STAU2: variants seen among roughly 807,000 people sequenced by gnomAD.
The protein encoded by STAU2 is staufen double-stranded RNA binding protein 2.
A neutral mutation model predicts 65.9 loss-of-function variants in STAU2; 20 were observed. That is an observed-to-expected ratio of 0.30 (90% CI 0.21 to 0.44). The LOEUF is 0.44. Ranked by LOEUF, STAU2 falls within the 20% of genes least tolerant of loss-of-function variation. The pLI, the probability that STAU2 is intolerant of heterozygous loss-of-function variation, is 1.00. For missense variants in STAU2, 558 were observed against 683.9 expected (o/e 0.82, Z 2.05); for synonymous variants, 232 against 233.9 (o/e 0.99, Z 0.07).
At chr8:73,620,082 T>A (rs1056325300) in intron 6 of STAU2, among the ~76,000 whole-genome samples, 3 of 152,184 alleles carry the variant, frequency 2.0e-5, no homozygotes, top group African/African-American at 7.2e-5. Context: ...TTTATTTTAA[T>A]CCCTTTAATG....
At chr8:73,658,750 T>C (rs1044007624) in intron 6 of STAU2, among the ~76,000 whole-genome samples, 1 of 151,820 alleles carries the variant, frequency 6.6e-6, no homozygotes, top group East Asian at 2.0e-4. Context: ...CCGTCTTCAC[T>C]ACAAATACAA....
intron 13 of STAU2, among the ~76,000 whole-genome samples, chr8:73,530,913 C>T (rs1805766090): frequency 6.6e-6 from 1 of 152,078 alleles, no homozygotes; most frequent in Non-Finnish European, 1.5e-5. Flanking sequence ...CGTGGCTGTC[C>T]CTCAGGGCCA....
chr8:73,693,999 AG>A (rs1819533752), intron 4 of STAU2, among the ~76,000 whole-genome samples: 1 of 152,288 alleles, frequency 6.6e-6, no homozygotes. Flanking sequence ...ATAGTTTTAA[AG>A]TAATGAGAAA....
intron 6 of STAU2, among the ~76,000 whole-genome samples, chr8:73,649,740 C>T (rs1355464353): frequency 6.6e-6 from 1 of 151,298 alleles, no homozygotes; most frequent in East Asian, 1.9e-4. Flanking sequence ...TATATCACAA[C>T]AAAAGTTCCA....
chr8:73,590,214 G>A (rs1810671955), intron 11 of STAU2, among the ~76,000 whole-genome samples: 1 of 151,630 alleles, frequency 6.6e-6, no homozygotes, highest in African/African-American at 2.4e-5. Flanking sequence ...TAGAAAGAAG[G>A]GAGGAAGAAG....
chr8:73,523,200 A>AG (rs1318669213), intron 13 of STAU2, among the ~76,000 whole-genome samples: 11 of 127,442 alleles, frequency 8.6e-5, no homozygotes, highest in African/African-American at 3.5e-4. Context: ...TGTCTCCAAA[A>AG]AAAAAAAAAA....
chr8:73,499,849 C>T (rs1035486436), intron 13 of STAU2, among the ~76,000 whole-genome samples: 3 of 151,796 alleles, frequency 2.0e-5, no homozygotes, highest in Admixed American at 1.3e-4. Flanking sequence ...GATATCCTTG[C>T]ATATGGGCTC....
chr8:73,552,223 G>C lies in STAU2; in HGVS notation c.1319C>G (p.Ser440Ter). 1 of 1,613,972 alleles carries C rather than the reference G, an allele frequency of 6.2e-7. No homozygotes were observed. The highest frequency in any genetic ancestry group is 8.5e-7 in the Non-Finnish European group (1 of 1,179,880). Residue 440 changes from serine (S) to a stop codon, truncating the protein, a stop_gained, in exon 13 of 15, where the codon TCA (serine) becomes TGA (stop). Coordinates refer to ENST00000524300, the MANE Select transcript of STAU2 (RefSeq NM_001164380.2). LOFTEE classifies it high-confidence loss of function. ...VISGTTLGYL[S>*]PKDMNQPSSS... ...TGAAGGTTGGTTCATATCTTTGGGT[G>C]ACAAATAGCCTAGAGTAGTGCCAGA...
intron 6 of STAU2, among the ~76,000 whole-genome samples, chr8:73,659,263 C>T (rs983504710): frequency 1.3e-5 from 2 of 152,194 alleles, no homozygotes; most frequent in African/African-American, 2.4e-5. Context: ...CATGGCCTAG[C>T]TTGGTGGCTC....
intron 11 of STAU2, among the ~76,000 whole-genome samples, chr8:73,588,255 A>C (rs1322294969): frequency 6.6e-6 from 1 of 152,268 alleles, no homozygotes; most frequent in Non-Finnish European, 1.5e-5. Context: ...TAGGACTCAC[A>C]AAAATGTTAA....
chr8:73,703,792 G>A (rs559135398), intron 4 of STAU2, among the ~76,000 whole-genome samples: 16 of 152,288 alleles, frequency 1.1e-4, no homozygotes, highest in African/African-American at 3.8e-4. Context: ...TAGTAGCTGT[G>A]TGGGGTCCCA....
At chr8:73,424,246 G>A (rs1816627964) in intron 13 of STAU2, among the ~76,000 whole-genome samples, 1 of 145,156 alleles carries the variant, frequency 6.9e-6, no homozygotes, top group South Asian at 2.2e-4. Context: ...TGTCGCCCAG[G>A]CTGGAGTGCA....
At position 73,421,414 on chromosome 8, in the gene STAU2, G is replaced by A. The variant is rs1256954526; in HGVS notation, c.1671C>T (p.Gly557=). ...EKADNNQAPP[G]SIAQDCKKSN... is the part of the protein sequence containing the mutation. ...ATTTCTTGCAGTCCTGAGCGATGGA[G>A]CCCGGGGGTGCCTGGTTATTGTCCG... The change falls in exon 15 of 15, where the codon GGC becomes GGT. Residue 557 remains glycine (G), a synonymous_variant. Transcript: ENST00000524300. 1 of 1,537,182 alleles carries A rather than the reference G, an allele frequency of 6.5e-7. No individual in the cohort carries two copies. The highest frequency in any genetic ancestry group is 8.7e-7 in the Non-Finnish European group (1 of 1,146,930).
At chr8:73,439,000 G>A (rs767965465) in intron 13 of STAU2, 13 of 456,596 alleles carry the variant, frequency 2.8e-5, no homozygotes, top group African/African-American at 1.2e-4. Flanking sequence ...GTTCCTCAAC[G>A]TCTCCGTTTA....
chr8:73,569,720 A>C (rs1808896743), intron 12 of STAU2, among the ~76,000 whole-genome samples: 1 of 152,198 alleles, frequency 6.6e-6, no homozygotes, highest in East Asian at 1.9e-4. Flanking sequence ...ACCTCCAGCA[A>C]ACTCCAACAG....
At chr8:73,690,001 G>GA (rs199512635) in intron 4 of STAU2, among the ~76,000 whole-genome samples, 10,529 of 139,274 alleles carry the variant, frequency 0.076, 414 homozygotes, top group Middle Eastern at 0.14. Context: ...GTCATAAAAG[G>GA]AAAAAAAAAA....
At chr8:73,554,671 T>C (rs539153908) in intron 12 of STAU2, among the ~76,000 whole-genome samples, 4 of 152,318 alleles carry the variant, frequency 2.6e-5, no homozygotes, top group Admixed American at 1.3e-4. Flanking sequence ...CAAAGAAAAA[T>C]TGCCTATAAA....
chr8:73,718,552 A>C (rs1009504877), intron 3 of STAU2, among the ~76,000 whole-genome samples: 1 of 152,212 alleles, frequency 6.6e-6, no homozygotes, highest in African/African-American at 2.4e-5. Context: ...GCACTGGGTG[A>C]TTCAAAATGT....
At chr8:73,742,805 TTTAA>T (rs1488480568) in intron 1 of STAU2, among the ~76,000 whole-genome samples, 1 of 152,282 alleles carries the variant, frequency 6.6e-6, no homozygotes, top group East Asian at 1.9e-4. Flanking sequence ...TAAGTCGTAC[TTTAA>T]TTATGAATTA....
Sources: allele counts gnomAD v4.1 joint callset (sites outside exome capture counted in the v4.1 genomes callset), GRCh38; gene constraint gnomAD v4.1.1; transcripts MANE v1.5; gene names NCBI Gene and HGNC (gene_info 2026-07-23, HGNC 2026-07-21).